Variants in TXNRD1 observed in about 807,000 individuals in gnomAD.
TXNRD1 encodes thioredoxin reductase 1, cytoplasmic.
A neutral mutation model predicts 80.3 loss-of-function variants in TXNRD1; 57 were observed. The ratio of observed to expected loss-of-function variants is 0.71; its 90% CI spans 0.57 to 0.89. TXNRD1 has a LOEUF of 0.89. Among genes scored for constraint, TXNRD1 ranks in the 40% least tolerant of loss-of-function variants. The pLI is 0.00. For missense variants in TXNRD1, 730 were observed against 803.0 expected, an observed-to-expected ratio of 0.91 and a Z score of 1.10; for synonymous variants, 291 against 285.2, an observed-to-expected ratio of 1.02 and a Z score of -0.20.
At chr12:104,336,558 A>G (rs1429992596) in intron 15 of TXNRD1, among the ~76,000 whole-genome samples, 1 of 152,120 alleles carries the variant, frequency 6.6e-6, no homozygotes, top group Non-Finnish European at 1.5e-5. Context: ...GTTCTCTGCT[A>G]TTTTATTTTT....
Position 104,258,017 on chromosome 12 carries a change from A to G in TXNRD1, c.244-2A>G. ...TCCTCCTTGTTTTTCAACTTCTTCC[A>G]GGTAAAGAAGTTATTTAAATCTCTG... On this transcript the variant is annotated splice_acceptor_variant, in intron 2 of 16. Transcript: ENST00000525566. LOFTEE classifies it high-confidence loss of function. 6.5e-7 allele frequency: 1 copy of G among 1,543,550 alleles called. No individual in the cohort carries two copies. Among genetic ancestry groups the G allele is most frequent in the Non-Finnish European group, 8.7e-7 (1 of 1,143,132 alleles).
intron 2 of TXNRD1, 72 bp from the exon 3 acceptor site, chr12:104,257,947 C>A: frequency 8.4e-7 from 1 of 1,194,214 alleles, no homozygotes; most frequent in Non-Finnish European, 1.2e-6. Context: ...AGTAACAAAG[C>A]TGGATAAGAG....
intron 1 of TXNRD1, among the ~76,000 whole-genome samples, chr12:104,223,965 T>C: frequency 6.6e-6 from 1 of 152,214 alleles, no homozygotes; most frequent in South Asian, 2.1e-4. Context: ...AAAGGAAATA[T>C]ATGTGAGATT....
chr12:104,250,148 A>G (rs1426962890), intron 1 of TXNRD1, among the ~76,000 whole-genome samples: 1 of 152,144 alleles, frequency 6.6e-6, no homozygotes, highest in African/African-American at 2.4e-5. Flanking sequence ...GGCAAGATAC[A>G]TCAATAGGGA....
chr12:104,274,377 A>G (rs1365841951), intron 3 of TXNRD1, among the ~76,000 whole-genome samples: 1 of 152,126 alleles, frequency 6.6e-6, no homozygotes, highest in Non-Finnish European at 1.5e-5. Flanking sequence ...CAACTATCTA[A>G]TAGTGTTTAA....
intron 4 of TXNRD1, among the ~76,000 whole-genome samples, chr12:104,300,933 A>T (rs1039119273): frequency 2.6e-5 from 4 of 152,200 alleles, no homozygotes; most frequent in African/African-American, 9.7e-5. Flanking sequence ...GGTGTCAGCC[A>T]CCGCACCTGG....
chr12:104,318,847 A>G (rs2035422289), intron 7 of TXNRD1, 66 bp from the exon 8 acceptor site: 3 of 1,553,238 alleles, frequency 1.9e-6, no homozygotes. Flanking sequence ...TTGAGTGGTT[A>G]TTGAGAAATG....
chr12:104,300,001 C>T (rs1206962662), intron 4 of TXNRD1, among the ~76,000 whole-genome samples: 2 of 152,076 alleles, frequency 1.3e-5, no homozygotes, highest in Non-Finnish European at 2.9e-5. Context: ...CTGACTGATT[C>T]CTGGCTTTGG....
At chr12:104,273,816 A>C (rs1377296278) in intron 3 of TXNRD1, among the ~76,000 whole-genome samples, 2 of 152,148 alleles carry the variant, frequency 1.3e-5, no homozygotes, top group African/African-American at 4.8e-5. Flanking sequence ...CTTTCTCAAA[A>C]ACAAAAACAT....
intron 1 of TXNRD1, among the ~76,000 whole-genome samples, chr12:104,219,260 C>A (rs1361906597): frequency 6.6e-6 from 1 of 152,186 alleles, no homozygotes; most frequent in Admixed American, 6.5e-5. Context: ...TAAAAATGTT[C>A]TTTTGTGTGT....
At chr12:104,293,995 C>G (rs190608557) in intron 4 of TXNRD1, among the ~76,000 whole-genome samples, 1 of 152,254 alleles carries the variant, frequency 6.6e-6, no homozygotes, top group East Asian at 1.9e-4. Flanking sequence ...ACAGCTTACG[C>G]CATTATTTCT....
intron 10 of TXNRD1, among the ~76,000 whole-genome samples, chr12:104,323,500 T>A (rs2035622312): frequency 7.1e-6 from 1 of 141,690 alleles, no homozygotes; most frequent in East Asian, 2.1e-4. Flanking sequence ...GCCCCTCACC[T>A]CCCGGACGGG....
intron 16 of TXNRD1, chr12:104,339,507 TG>T: frequency 3.0e-6 from 2 of 672,476 alleles, no homozygotes; most frequent in Non-Finnish European, 5.4e-6. Context: ...TTTATAGAGC[TG>T]TGCCTTAAAT....
chr12:104,343,173 G>T (rs779097947), intron 16 of TXNRD1, among the ~76,000 whole-genome samples: 1 of 152,286 alleles, frequency 6.6e-6, no homozygotes, highest in South Asian at 2.1e-4. Context: ...ACCCCATGCG[G>T]TGGATGCGGT....
chr12:104,286,995 A>G (rs768881705), intron 3 of TXNRD1: 56 of 1,302,178 alleles, frequency 4.3e-5, no homozygotes, highest in East Asian at 2.4e-4. Flanking sequence ...TCTCGTAGCC[A>G]TTAGGAAACA....
At chr12:104,304,649 CCT>C in intron 4 of TXNRD1, 5 of 1,613,852 alleles carry the variant, frequency 3.1e-6, no homozygotes, top group Non-Finnish European at 4.2e-6. Flanking sequence ...TCCTGATACT[CCT>C]GTGTCCTATT....
intron 15 of TXNRD1, among the ~76,000 whole-genome samples, chr12:104,335,824 A>G (rs752088446): frequency 5.9e-5 from 9 of 152,234 alleles, no homozygotes; most frequent in Admixed American, 3.9e-4. Flanking sequence ...TAAGCCATGT[A>G]TCCTATTTGG....
chr12:104,343,815 A>G (rs963399810), intron 16 of TXNRD1, among the ~76,000 whole-genome samples: 1 of 139,228 alleles, frequency 7.2e-6, no homozygotes, highest in African/African-American at 2.7e-5. Flanking sequence ...AAAAAATAAA[A>G]CAAAATGGCC....
intron 10 of TXNRD1, among the ~76,000 whole-genome samples, chr12:104,323,724 AG>A (rs2035643649): frequency 8.7e-6 from 1 of 115,580 alleles, no homozygotes; most frequent in African/African-American, 3.6e-5. Flanking sequence ...GGCCGGGCAG[AG>A]GGGCTCCTCA....
Sources: gnomAD v4.1 joint callset for allele counts (sites outside exome capture counted in the v4.1 genomes callset) on GRCh38, gnomAD v4.1.1 for gene constraint, MANE v1.5 for transcripts, NCBI Gene and HGNC (gene_info 2026-07-23, HGNC 2026-07-21) for gene names.